Variants in FSTL5 observed in about 807,000 individuals in gnomAD.
FSTL5 encodes the protein follistatin-related protein 5.
Under a neutral mutation model 89.1 loss-of-function variants are expected in FSTL5, and 62 were observed. That is an observed-to-expected ratio of 0.70 (90% confidence interval 0.57 to 0.86). The LOEUF is 0.86. Ranked by LOEUF, FSTL5 falls within the 40% of genes least tolerant of loss-of-function variation. The probability of loss-of-function intolerance (pLI) is 0.00; values close to 1 mark genes in which losing one functional copy is unlikely to be tolerated. For missense variants in FSTL5, 1,057 were observed against 1,001.6 expected, an observed-to-expected ratio of 1.06 and a Z score of -0.75; for synonymous variants, 383 against 346.2, an observed-to-expected ratio of 1.11 and a Z score of -1.18.
intron 3 of FSTL5, among the ~76,000 whole-genome samples, chr4:162,013,585 A>G (rs940918975): frequency 2.6e-5 from 4 of 152,170 alleles, no homozygotes; most frequent in Admixed American, 6.5e-5. Flanking sequence ...CTTATTCTCC[A>G]TAGGTCCTTT....
chr4:162,082,489 G>A (rs13129478), intron 2 of FSTL5, among the ~76,000 whole-genome samples: 45,019 of 148,700 alleles, frequency 0.3, 7,568 homozygotes, highest in East Asian at 0.37. Context: ...CCTTATTCCT[G>A]ATTTTGATTT....
At chr4:162,143,704 T>A (rs2111489517) in intron 1 of FSTL5, among the ~76,000 whole-genome samples, 1 of 133,130 alleles carries the variant, frequency 7.5e-6, no homozygotes, top group East Asian at 2.2e-4. Flanking sequence ...TAAGGGTACG[T>A]TGTATCTGAC....
chr4:161,870,918 T>C (rs1442157642), intron 4 of FSTL5, among the ~76,000 whole-genome samples: 2 of 152,100 alleles, frequency 1.3e-5, no homozygotes, highest in Non-Finnish European at 2.9e-5. Flanking sequence ...ATAAAGCTTG[T>C]TGAGGCAAAA....
intron 15 of FSTL5, among the ~76,000 whole-genome samples, chr4:161,391,510 A>G (rs1224718150): frequency 6.6e-6 from 1 of 152,186 alleles, no homozygotes; most frequent in East Asian, 1.9e-4. Context: ...GACATAAACC[A>G]TAAATCTGAC....
intron 8 of FSTL5, among the ~76,000 whole-genome samples, chr4:161,561,776 T>A (rs377457153): frequency 3.9e-5 from 6 of 152,082 alleles, no homozygotes; most frequent in African/African-American, 1.4e-4. Flanking sequence ...CTTTTTCTTC[T>A]ACATTTCCAC....
chr4:162,145,938 A>G lies in FSTL5; in HGVS notation c.-17+17677T>C, dbSNP rs145998735. On this transcript the variant is annotated intron_variant, in intron 1 of 15. Transcript: ENST00000306100. ...ATTTGTTTAAGTGGGAATGTTTTTCACTTAATCTCTGTGACCAGATCATGA... is the reference window on the plus strand; with the variant it reads ...ATTTGTTTAAGTGGGAATGTTTTTCGCTTAATCTCTGTGACCAGATCATGA... Among the ~76,000 whole-genome samples the G allele has an allele frequency of 1.3e-3, 196 of 152,266 alleles. 1 individual carries two copies. The highest frequency in any genetic ancestry group is 4.4e-3 in the African/African-American group (183 of 41,576).
intron 6 of FSTL5, among the ~76,000 whole-genome samples, chr4:161,754,914 C>T (rs1358308364): frequency 6.6e-6 from 1 of 151,972 alleles, no homozygotes; most frequent in Non-Finnish European, 1.5e-5. Context: ...AAATATTTAG[C>T]ACTTGGTATA....
At chr4:162,089,520 C>G (rs1730454198) in intron 2 of FSTL5, among the ~76,000 whole-genome samples, 1 of 151,102 alleles carries the variant, frequency 6.6e-6, no homozygotes, top group African/African-American at 2.4e-5. Context: ...GTAATCCCAG[C>G]TACTCGGGAG....
Position 161,920,412 on chromosome 4 carries a change from A to G in FSTL5, c.401T>C (p.Phe134Ser). The G allele has an allele frequency of 1.2e-6, 2 of 1,613,888 alleles. No individual in the cohort carries two copies. The highest frequency in any genetic ancestry group is 1.7e-5 in the Admixed American group (1 of 59,992). The change falls in exon 4 of 16, where the codon TTC (phenylalanine) becomes TCC (serine). Residue 134 changes from phenylalanine to serine, a missense_variant. Around this residue, in one of 3 missense-constraint regions of FSTL5, gnomAD observed 980 missense variants for 903.2 expected, o/e 1.08. Coordinates refer to ENST00000306100, the MANE Select transcript of FSTL5 (RefSeq NM_020116.5). ...KITIVHNEDC[F>S]FKGDKCKTTE... Reference sequence around the variant, plus strand: ...GTTCACCCTTCATTTACCTTTAAAGAAGCAGTCTTCATTGTGAACAATGGT... The same window carrying G: ...GTTCACCCTTCATTTACCTTTAAAGGAGCAGTCTTCATTGTGAACAATGGT...
Position 161,948,597 on chromosome 4 carries a change from G to A in FSTL5, c.161-27945C>T, listed in dbSNP as rs995933070. On this transcript the variant is annotated intron_variant, in intron 3 of 15. Transcript: ENST00000306100. ...TCAGTAACTGGGATTATAGGCACCC[G>A]CCACCATGCCCAGCTGATTTTTCTA... is the stretch of plus-strand genomic sequence containing the variant. Among the ~76,000 whole-genome samples, 7 of 140,242 alleles carry A rather than the reference G, an allele frequency of 5.0e-5. No homozygotes were observed. In the East Asian group the frequency reaches 6.6e-4, roughly 13 times the overall value. The allele number at this position is 140,242 out of a possible 152,430, so 92.0% of individuals were successfully genotyped here.
Position 161,529,571 on chromosome 4 carries a change from C to G in FSTL5, c.1312+8595G>C, listed in dbSNP as rs1336318768. On this transcript the variant is annotated intron_variant, in intron 10 of 15. Transcript: ENST00000306100. ...ATTAAACAAGTAATTTGGGGCTTTT[C>G]AAAAAGAAATACAAATTGTTAATTT... 1.4e-5 allele frequency among the ~76,000 whole-genome samples: 2 copies of G among 141,448 alleles called. 1 individual carries two copies. The highest frequency in any genetic ancestry group is 4.8e-4 in the East Asian group (2 of 4,152). The allele number at this position is 141,448 out of a possible 152,430, so 92.8% of individuals were successfully genotyped here.
At chr4:161,423,070 C>T (rs908516282) in intron 15 of FSTL5, among the ~76,000 whole-genome samples, 19 of 152,064 alleles carry the variant, frequency 1.2e-4, no homozygotes, top group African/African-American at 4.6e-4. Flanking sequence ...CTTTTTTTCA[C>T]TACACTATGT....
chr4:161,706,251 G>A (rs1400481225), intron 6 of FSTL5, among the ~76,000 whole-genome samples: 1 of 151,468 alleles, frequency 6.6e-6, no homozygotes, highest in Non-Finnish European at 1.5e-5. Context: ...TAGTAAGCAG[G>A]AGGAAGCCAC....
intron 15 of FSTL5, among the ~76,000 whole-genome samples, chr4:161,445,296 T>C (rs1267633889): frequency 6.6e-6 from 1 of 151,912 alleles, no homozygotes; most frequent in Non-Finnish European, 1.5e-5. Context: ...CTAGTTCACT[T>C]TTCTTTAAAA....
At chr4:162,161,511 T>TGG (rs1248056204) in intron 1 of FSTL5, among the ~76,000 whole-genome samples, 2 of 151,986 alleles carry the variant, frequency 1.3e-5, no homozygotes, top group African/African-American at 2.4e-5. Context: ...AGTCAACCTT[T>TGG]GGTTATTATT....
intron 1 of FSTL5, among the ~76,000 whole-genome samples, chr4:162,151,844 C>A (rs1480371369): frequency 6.6e-6 from 1 of 152,138 alleles, no homozygotes; most frequent in Non-Finnish European, 1.5e-5. Flanking sequence ...CCTTTATTTG[C>A]TCTACCTGAA....
intron 3 of FSTL5, among the ~76,000 whole-genome samples, chr4:162,010,997 A>G (rs1241961282): frequency 5.3e-5 from 8 of 152,194 alleles, no homozygotes; most frequent in Admixed American, 3.3e-4. Context: ...TGTGTTAAAG[A>G]TCATTAGTTT....
chr4:161,529,618 A>C lies in FSTL5; in HGVS notation c.1312+8548T>G, dbSNP rs528139721. On this transcript the variant is annotated intron_variant, in intron 10 of 15. Coordinates refer to ENST00000306100, the MANE Select transcript of FSTL5 (RefSeq NM_020116.5). Reference sequence around the variant, plus strand: ...ATTTCTGCTTTAAGTTATAATTAGTATATATTCTCTATAGAATTATATTTA... The same window carrying C: ...ATTTCTGCTTTAAGTTATAATTAGTCTATATTCTCTATAGAATTATATTTA... Among the ~76,000 whole-genome samples, 2 of 142,212 alleles carry C rather than the reference A, an allele frequency of 1.4e-5. 1 individual carries two copies. Among genetic ancestry groups the C allele is most frequent in the South Asian group, 4.8e-4 (2 of 4,194 alleles). The allele number at this position is 142,212 out of a possible 152,430, so 93.3% of individuals were successfully genotyped here. A position where few individuals can be genotyped will look rare whatever the true frequency, so the allele number is the denominator to read the frequency against.
chr4:162,036,397 C>A (rs908652223), intron 2 of FSTL5, among the ~76,000 whole-genome samples: 1 of 152,002 alleles, frequency 6.6e-6, no homozygotes, highest in Admixed American at 6.6e-5. Context: ...TAATAAACCT[C>A]AAATTTTCAT....
Sources: allele counts gnomAD v4.1 joint callset (sites outside exome capture counted in the v4.1 genomes callset), GRCh38; gene constraint gnomAD v4.1.1; regional missense constraint gnomAD v4.1.1; transcripts MANE v1.5; gene names NCBI Gene and HGNC (gene_info 2026-07-23, HGNC 2026-07-21).